The following SUPT5H variants were observed in gnomAD, a reference collection of about 807,000 sequenced individuals.
The protein encoded by SUPT5H is SPT5 homolog, DSIF elongation factor subunit.
A neutral mutation model predicts 142.5 loss-of-function variants in SUPT5H; 24 were observed. That is an observed-to-expected ratio of 0.17 (90% CI 0.12 to 0.24). The LOEUF (loss-of-function observed/expected upper bound fraction) is 0.24. Ranked by LOEUF, SUPT5H falls within the 10% of genes least tolerant of loss-of-function variation. The pLI is 1.00. For synonymous variants in SUPT5H, 546 were observed against 553.0 expected (o/e 0.99, Z 0.18); for missense variants, 893 against 1,471.8 (o/e 0.61, Z 6.43).
chr19:39,459,396 C>A, intron 8 of SUPT5H, 147 bp downstream of exon 8: 1 of 1,337,910 alleles, frequency 7.5e-7, no homozygotes, highest in Non-Finnish European at 1.1e-6. Context: ...GGCAAGGTGG[C>A]ACTTTCTCTT....
intron 10 of SUPT5H, 133 bp from the exon 11 acceptor site, chr19:39,464,665 G>A (rs2079210831): frequency 7.5e-7 from 1 of 1,331,678 alleles, no homozygotes; most frequent in South Asian, 1.5e-5. Context: ...GAACACCTTT[G>A]TGTCCATGTC....
chr19:39,465,612 A>C (rs1163816447), intron 11 of SUPT5H, among the ~76,000 whole-genome samples: 10 of 152,230 alleles, frequency 6.6e-5, no homozygotes, highest in Admixed American at 6.5e-4. Flanking sequence ...TATGGCATCT[A>C]GCAGGTTAAA....
chr19:39,459,759 C>A, intron 9 of SUPT5H, 133 bp from the exon 10 acceptor site: 2 of 1,292,880 alleles, frequency 1.5e-6, no homozygotes, highest in Non-Finnish European at 2.2e-6. Flanking sequence ...CCTCCATCTT[C>A]CTGGCTGTCC....
Position 39,459,934 on chromosome 19 carries a change from T to C in SUPT5H, c.598T>C (p.Phe200Leu). The change falls in exon 10 of 30, where the codon TTC becomes CTC. Residue 200 changes from phenylalanine to leucine, a missense_variant. Physicochemically the swap from Phe to Leu is conservative, Grantham distance 22. Coordinates refer to ENST00000432763, the MANE Select transcript of SUPT5H (RefSeq NM_001111020.3). ...CACGGCCATTTCCTTGATGCGCAAGTTCATTGCCTACCAGTTCACAGACAC... is the reference window on the plus strand; with the variant it reads ...CACGGCCATTTCCTTGATGCGCAAGCTCATTGCCTACCAGTTCACAGACAC... ...RATAISLMRK[F>L]IAYQFTDTPL... 1 of 1,614,138 alleles carries C rather than the reference T, an allele frequency of 6.2e-7. No homozygotes were observed. Among genetic ancestry groups the C allele is most frequent in the Non-Finnish European group, 8.5e-7 (1 of 1,180,030 alleles).
Position 39,445,863 on chromosome 19 carries a change from C to T in SUPT5H, c.-28C>T, listed in dbSNP as rs1359325051. On this transcript the variant is annotated 5_prime_UTR_variant, in exon 2 of 30. Coordinates refer to ENST00000432763, the MANE Select transcript of SUPT5H (RefSeq NM_001111020.3). Reference sequence around the variant, plus strand: ...CGCAGGATTGTGGGACGCGCCAAGGCTGCTGTCTTTCCCAGCAGCAGCGGA... The same window carrying T: ...CGCAGGATTGTGGGACGCGCCAAGGTTGCTGTCTTTCCCAGCAGCAGCGGA... The T allele has an allele frequency of 6.2e-7, 1 of 1,611,404 alleles. No homozygotes were observed. Among genetic ancestry groups the T allele is most frequent in the Non-Finnish European group, 8.5e-7 (1 of 1,179,232 alleles).
At chr19:39,459,869 C>T in intron 9 of SUPT5H, 23 bp from the exon 10 acceptor site, 1 of 1,613,836 alleles carries the variant, frequency 6.2e-7, no homozygotes, top group Non-Finnish European at 8.5e-7. Flanking sequence ...TCATCTCTCT[C>T]AAATCTGCCT....
intron 10 of SUPT5H, among the ~76,000 whole-genome samples, chr19:39,463,221 TGAACTCCC>T (rs989925517): frequency 6.6e-6 from 1 of 150,974 alleles, no homozygotes; most frequent in Non-Finnish European, 1.5e-5. Flanking sequence ...AGGCTGGTAT[TGAACTCCC>T]GACCTCAAGT....
At position 39,472,675 on chromosome 19, in the gene SUPT5H, C is replaced by T. The variant is rs2079337942; in HGVS notation, c.2036-135C>T. ...AATGGTCAGGGCTTCCATAGGAAAG[C>T]CATGGGGCAGGGGTGGGCAGAGGAG... On this transcript the variant is annotated intron_variant, in intron 21 of 29. Coordinates refer to ENST00000432763, the MANE Select transcript of SUPT5H (RefSeq NM_001111020.3). The surrounding 1 kb of genome is among the most constrained non-coding windows in gnomAD (Gnocchi z 4.2). The T allele has an allele frequency of 3.5e-6, 5 of 1,440,142 alleles. No individual in the cohort carries two copies. The highest frequency in any genetic ancestry group is 3.7e-6 in the Non-Finnish European group (4 of 1,080,770). 89.2% of individuals were successfully genotyped at this position (1,440,142 alleles called of 1,614,324 possible).
In SUPT5H at chr19:39,466,056, G is replaced by A. The variant is rs1334803423; in HGVS notation, c.877-424G>A. On this transcript the variant is annotated intron_variant, in intron 11 of 29. Transcript: ENST00000432763. This position sits in a 1 kb window ranked among gnomAD's most constrained non-coding sequence, Gnocchi z 4.3. Reference sequence around the variant, plus strand: ...TTTTTGGATTTGGAATGCTGAGACTGCAGTGGAGGAGGGGAAGAGGTCAGG... The same window carrying A: ...TTTTTGGATTTGGAATGCTGAGACTACAGTGGAGGAGGGGAAGAGGTCAGG... 6.6e-6 allele frequency among the ~76,000 whole-genome samples: 1 copy of A among 152,198 alleles called. No homozygotes were observed. Among genetic ancestry groups the A allele is most frequent in the Non-Finnish European group, 1.5e-5 (1 of 68,040 alleles).
chr19:39,463,120 T>G (rs777408905), intron 10 of SUPT5H, among the ~76,000 whole-genome samples: 10 of 150,440 alleles, frequency 6.6e-5, no homozygotes, highest in Non-Finnish European at 1.5e-4. Context: ...CCTCCCAAAG[T>G]GCTGGGATTA....
Position 39,474,480 on chromosome 19 carries a change from A to C in SUPT5H, c.2821-35A>C. 1 of 1,612,716 alleles carries C rather than the reference A, an allele frequency of 6.2e-7. No homozygotes were observed. The highest frequency in any genetic ancestry group is 1.1e-5 in the South Asian group (1 of 91,026). On this transcript the variant is annotated intron_variant, in intron 27 of 29. Transcript: ENST00000432763. The surrounding 1 kb of genome is among the most constrained non-coding windows in gnomAD (Gnocchi z 6.5). ...CATATAGGGTCGGCCAGGCCAGATG[A>C]CTATTCCCAATGACACTTCCTCTTT...
intron 10 of SUPT5H, among the ~76,000 whole-genome samples, chr19:39,462,047 A>G (rs1452813981): frequency 6.6e-6 from 1 of 151,718 alleles, no homozygotes; most frequent in Non-Finnish European, 1.5e-5. Flanking sequence ...AGCTGGGATT[A>G]TAGGCATCCG....
rs1316485331 is a variant in SUPT5H at position 39,458,288 on chromosome 19, A to G, written c.308-6A>G. The G allele has an allele frequency of 1.5e-6, 2 of 1,317,428 alleles. No individual in the cohort carries two copies. The highest frequency in any genetic ancestry group is 2.0e-4 in the Middle Eastern group (1 of 5,096). The allele number at this position is 1,317,428 out of a possible 1,614,324, so 81.6% of individuals were successfully genotyped here. On this transcript the variant is annotated splice_region_variant and splice_polypyrimidine_tract_variant and intron_variant, in intron 4 of 29. Transcript: ENST00000432763. This position sits in a 1 kb window ranked among gnomAD's most constrained non-coding sequence, Gnocchi z 4.2. The stretch of plus-strand genomic sequence containing the variant: ...CACCACCACCACCTCCTCTTCCTCC[A>G]AGTAGAAGAGATTGAAGGTAAGAAT...
chr19:39,453,451 AGAG>A lies in SUPT5H; in HGVS notation c.177_179del (p.Glu61del), dbSNP rs1416255187. 2 of 1,558,722 alleles carry A rather than the reference AGAG, an allele frequency of 1.3e-6. No homozygotes were observed. Among genetic ancestry groups the A allele is most frequent in the East Asian group, 4.8e-5 (2 of 41,492 alleles). On this transcript the variant is annotated inframe_deletion, in exon 3 of 30. Coordinates refer to ENST00000432763, the MANE Select transcript of SUPT5H (RefSeq NM_001111020.3). Reference sequence around the variant, plus strand: ...AAGAGGAGGAGGAATACGATGAGGAAGAGGAGGAAGAAGATGATGACCGACCCC... The same window carrying A: ...AAGAGGAGGAGGAATACGATGAGGAAGAGGAAGAAGATGATGACCGACCCC...
At position 39,445,856 on chromosome 19, in the gene SUPT5H, G is replaced by A. The variant is rs527995446; in HGVS notation, c.-35G>A. 1.3e-4 allele frequency: 211 copies of A among 1,608,646 alleles called. 1 individual carries two copies. The South Asian group carries it at 2.2e-3, about 17-fold the overall frequency. On this transcript the variant is annotated 5_prime_UTR_variant, in exon 2 of 30. Transcript: ENST00000432763. ...GGTGGAGCGCAGGATTGTGGGACGC[G>A]CCAAGGCTGCTGTCTTTCCCAGCAG...
chr19:39,458,036 C>A lies in SUPT5H; in HGVS notation c.308-258C>A. ...GCGAGCTCTGTCCCAAGATACCCCCCACTTCCTGGGCCAGTGCCCCCCTTT... is the reference window on the plus strand; with the variant it reads ...GCGAGCTCTGTCCCAAGATACCCCCAACTTCCTGGGCCAGTGCCCCCCTTT... On this transcript the variant is annotated intron_variant, in intron 4 of 29. Transcript: ENST00000432763. This position sits in a 1 kb window ranked among gnomAD's most constrained non-coding sequence, Gnocchi z 4.2. The A allele has an allele frequency of 1.4e-6, 1 of 728,902 alleles. No individual in the cohort carries two copies. Among genetic ancestry groups the A allele is most frequent in the Non-Finnish European group, 2.2e-6 (1 of 445,482 alleles). 45.2% of individuals were successfully genotyped at this position (728,902 alleles called of 1,614,324 possible).
intron 11 of SUPT5H, among the ~76,000 whole-genome samples, chr19:39,465,486 T>C (rs2079222746): frequency 6.6e-6 from 1 of 152,208 alleles, no homozygotes; most frequent in Non-Finnish European, 1.5e-5. Flanking sequence ...ATTTCTCTGG[T>C]GACTGTGTTG....
Position 39,468,767 on chromosome 19 carries a change from G to A in SUPT5H, c.1049G>A (p.Gly350Asp), listed in dbSNP as rs1178115509. 2 of 1,614,140 alleles carry A rather than the reference G, an allele frequency of 1.2e-6. No homozygotes were observed. The highest frequency in any genetic ancestry group is 1.1e-5 in the South Asian group (1 of 91,088). Residue 350 changes from glycine to aspartate, a missense_variant, in exon 14 of 30, where the codon GGT becomes GAT. Around this residue, in one of 6 missense-constraint regions of SUPT5H, gnomAD observed 428 missense variants for 763.5 expected, o/e 0.56. Transcript: ENST00000432763. ...CCATCAAATTCCAGGTCCCTGGGGG[G>A]TGATGTTGCCTCTGATGGTGACTTC... ...FDAEKIRSLG[G>D]DVASDGDFLI... is the part of the protein sequence containing the mutation.
At chr19:39,475,917 C>A in intron 28 of SUPT5H, 164 bp from the exon 29 acceptor site, 1 of 631,626 alleles carries the variant, frequency 1.6e-6, no homozygotes, top group Non-Finnish European at 2.7e-6. Context: ...CCCTGACATG[C>A]ACCACAGGCC....
Sources: allele counts gnomAD v4.1 joint callset (sites outside exome capture counted in the v4.1 genomes callset), GRCh38; gene constraint gnomAD v4.1.1; regional missense constraint gnomAD v4.1.1; non-coding constraint Gnocchi (gnomAD v3.1); transcripts MANE v1.5; gene names NCBI Gene and HGNC (gene_info 2026-07-23, HGNC 2026-07-21).